The following PCDHGA2 variants were observed in gnomAD, a reference collection of about 807,000 sequenced individuals.
PCDHGA2 encodes protocadherin gamma-A2.
PCDHGA2 carries 40 observed loss-of-function variants against 59.2 expected under a neutral mutation model. The observed-to-expected ratio is 0.68, with a 90% confidence interval of 0.52 to 0.88. The LOEUF is 0.88. Among genes scored for constraint, PCDHGA2 ranks in the 40% least tolerant of loss-of-function variants. The pLI, the probability that PCDHGA2 is intolerant of heterozygous loss-of-function variation, is 0.00. For synonymous variants in PCDHGA2, 560 were observed against 526.0 expected (o/e 1.06, Z -0.89); for missense variants, 1,226 against 1,204.0 (o/e 1.02, Z -0.27).
At chr5:141,375,991 C>T (rs770239249) in intron 1 of PCDHGA2, 3 of 1,613,448 alleles carry the variant, frequency 1.9e-6, no homozygotes, top group Non-Finnish European at 1.7e-6. Context: ...TGGACAGAGA[C>T]GCGCTCAAGC....
Position 141,504,710 on chromosome 5 carries a change from G to A in PCDHGA2, c.2484-683G>A, listed in dbSNP as rs528205869. The stretch of plus-strand genomic sequence containing the variant: ...AGGAGGGGCAGGTTCTTCTATGGCC[G>A]TGGATTTTACTCTGAGGGCTTAGGA... On this transcript the variant is annotated intron_variant, in intron 2 of 3. Transcript: ENST00000394576. Among the ~76,000 whole-genome samples the A allele has an allele frequency of 1.4e-4, 21 of 151,968 alleles. No homozygotes were observed. The East Asian group carries it at 3.7e-3, about 27-fold the overall frequency.
At chr5:141,409,464 C>T in intron 1 of PCDHGA2, 1 of 1,613,940 alleles carries the variant, frequency 6.2e-7, no homozygotes, top group East Asian at 2.2e-5. Context: ...TACAATGTCA[C>T]CATCGTAGCC....
chr5:141,362,141 A>G (rs765866460), intron 1 of PCDHGA2: 2 of 1,614,032 alleles, frequency 1.2e-6, no homozygotes, highest in South Asian at 2.2e-5. Flanking sequence ...GATAGCCTGC[A>G]AGAGGTATTG....
chr5:141,368,427 C>T (rs1228865676), intron 1 of PCDHGA2, among the ~76,000 whole-genome samples: 1 of 151,790 alleles, frequency 6.6e-6, no homozygotes, highest in Non-Finnish European at 1.5e-5. Context: ...ACATTCTGAC[C>T]AAAATGTAAA....
chr5:141,365,714 A>G (rs1764072437), intron 1 of PCDHGA2: 1 of 1,613,646 alleles, frequency 6.2e-7, no homozygotes, highest in Non-Finnish European at 8.5e-7. Flanking sequence ...CACCTCTGTC[A>G]CAGAAAACAA....
chr5:141,458,624 C>G (rs1382508302), intron 1 of PCDHGA2, among the ~76,000 whole-genome samples: 1 of 152,082 alleles, frequency 6.6e-6, no homozygotes, highest in East Asian at 1.9e-4. Context: ...GGCTGGAGTG[C>G]AGTGGCACAA....
chr5:141,460,950 T>C (rs1458616371), intron 1 of PCDHGA2, among the ~76,000 whole-genome samples: 1 of 135,948 alleles, frequency 7.4e-6, no homozygotes, highest in East Asian at 2.0e-4. Flanking sequence ...ATATGTATTA[T>C]GTATATATAT....
chr5:141,426,364 G>C (rs918838005), intron 1 of PCDHGA2: 1 of 202,328 alleles, frequency 4.9e-6, no homozygotes, highest in Non-Finnish European at 1.0e-5. Flanking sequence ...TTTGTTCTGC[G>C]GGGCACCCTC....
intron 1 of PCDHGA2, chr5:141,352,065 A>G (rs780687277): frequency 1.2e-6 from 2 of 1,605,760 alleles, no homozygotes; most frequent in Non-Finnish European, 1.7e-6. Context: ...TGGCTGTCCT[A>G]CCACGTGCTG....
At chr5:141,399,692 G>A (rs780007896) in intron 1 of PCDHGA2, 2 of 1,613,318 alleles carry the variant, frequency 1.2e-6, no homozygotes, top group Middle Eastern at 1.7e-4. Flanking sequence ...GAGCAGCTGC[G>A]CACCTTCGAA....
Position 141,490,310 on chromosome 5 carries a change from A to G in PCDHGA2, c.2425-4497A>G. 2 of 1,614,082 alleles carry G rather than the reference A, an allele frequency of 1.2e-6. No homozygotes were observed. Among genetic ancestry groups the G allele is most frequent in the South Asian group, 2.2e-5 (2 of 91,078 alleles). ...GAGGTGCTATTGGCCTCTTTGGCCA[A>G]CCCTGTCCTAGAGAGCACACCAGTG... On this transcript the variant is annotated intron_variant, in intron 1 of 3. Transcript: ENST00000394576. The surrounding 1 kb of genome is among the most constrained non-coding windows in gnomAD (Gnocchi z 5.4).
chr5:141,357,981 G>C (rs1413187793), intron 1 of PCDHGA2, among the ~76,000 whole-genome samples: 1 of 152,130 alleles, frequency 6.6e-6, no homozygotes, highest in Non-Finnish European at 1.5e-5. Context: ...CCTGAGCTCA[G>C]GAGTTCGAGA....
chr5:141,350,767 C>T (rs1044213790), intron 1 of PCDHGA2: 5 of 1,613,936 alleles, frequency 3.1e-6, no homozygotes, highest in Non-Finnish European at 4.2e-6. Flanking sequence ...TATACACCAT[C>T]AACCCCAATC....
At chr5:141,377,761 T>C (rs917483532) in intron 1 of PCDHGA2, 27 of 152,190 alleles carry the variant, frequency 1.8e-4, no homozygotes, top group African/African-American at 5.8e-4. Context: ...GGACACCAGA[T>C]CTTTGGTGTT....
chr5:141,486,637 G>A lies in PCDHGA2; in HGVS notation c.2425-8170G>A, dbSNP rs761072169. On this transcript the variant is annotated intron_variant, in intron 1 of 3. Transcript: ENST00000394576. The surrounding 1 kb of genome is among the most constrained non-coding windows in gnomAD (Gnocchi z 5.0). ...CTGACCCAGACTCTGGCTTGAATGC[G>A]CTTATCTCCTACTCACTCCTGGAGC... 3.1e-5 allele frequency: 50 copies of A among 1,613,520 alleles called. No individual in the cohort carries two copies. The highest frequency in any genetic ancestry group is 5.0e-5 in the Admixed American group (3 of 60,000).
intron 1 of PCDHGA2, chr5:141,384,357 G>A (rs1226263341): frequency 1.2e-6 from 2 of 1,613,734 alleles, no homozygotes; most frequent in African/African-American, 2.7e-5. Flanking sequence ...ATAATGCCCA[G>A]ATCACTTATT....
chr5:141,404,167 G>C, intron 1 of PCDHGA2: 1 of 1,612,946 alleles, frequency 6.2e-7, no homozygotes, highest in South Asian at 1.1e-5. Context: ...ACAGATTGTT[G>C]ACGGCCCAAA....
chr5:141,340,357 C>A lies in PCDHGA2; in HGVS notation c.1386C>A (p.Pro462=), dbSNP rs765686553. ...GCACATCCTACTCCACCTACATTCC[C>A]GAAAACAACCCCAGAGGAGCCTCTG... is the stretch of plus-strand genomic sequence containing the variant. ...FSRTSYSTYI[P]ENNPRGASVF... The change falls in exon 1 of 4, where the codon CCC becomes CCA. Residue 462 remains proline (P), a synonymous_variant. Coordinates refer to ENST00000394576, the MANE Select transcript of PCDHGA2 (RefSeq NM_018915.4). 1 of 1,614,182 alleles carries A rather than the reference C, an allele frequency of 6.2e-7. No individual in the cohort carries two copies. The highest frequency in any genetic ancestry group is 2.2e-5 in the East Asian group (1 of 44,876).
intron 1 of PCDHGA2, among the ~76,000 whole-genome samples, chr5:141,347,479 A>G (rs1483126579): frequency 6.6e-6 from 1 of 152,082 alleles, no homozygotes; most frequent in African/African-American, 2.4e-5. Flanking sequence ...TCTCAATAAC[A>G]TAAAAATTGG....
Sources: allele counts gnomAD v4.1 joint callset (sites outside exome capture counted in the v4.1 genomes callset), GRCh38; gene constraint gnomAD v4.1.1; non-coding constraint Gnocchi (gnomAD v3.1); transcripts MANE v1.5; gene names NCBI Gene and HGNC (gene_info 2026-07-23, HGNC 2026-07-21).